The following PACRGL variants were observed in gnomAD, a reference collection of about 807,000 sequenced individuals.
PACRGL encodes PACRG-like protein.
In PACRGL, 38 loss-of-function variants were observed where a neutral mutation model predicts 34.5. The ratio of observed to expected loss-of-function variants is 1.10; its 90% confidence interval spans 0.85 to 1.44. The LOEUF is 1.44. PACRGL is among the 40% of genes most tolerant of loss of function. PACRGL has a pLI of 0.00. For missense variants in PACRGL, 305 were observed against 281.4 expected (o/e 1.08, Z -0.60); for synonymous variants, 128 against 100.1 (o/e 1.28, Z -1.66).
chr4:20,754,065 CT>C (rs1754096878), downstream of PACRGL, among the ~76,000 whole-genome samples: 1 of 152,152 alleles, frequency 6.6e-6, no homozygotes, highest in Admixed American at 6.6e-5. Flanking sequence ...AGCTTACACA[CT>C]AAAGCTTCTG....
chr4:20,758,071 C>T, the PACRGL span, among the ~76,000 whole-genome samples: 2 of 152,248 alleles, frequency 1.3e-5, no homozygotes, highest in African/African-American at 2.4e-5. Context: ...ATTCCCCCTA[C>T]GTGATCAGCA....
chr4:20,738,235 A>G (rs923604528), intron 8 of PACRGL, among the ~76,000 whole-genome samples: 3 of 152,232 alleles, frequency 2.0e-5, no homozygotes, highest in African/African-American at 4.8e-5. Context: ...GAAAGGCTAG[A>G]TGAGATTGAT....
At chr4:20,745,771 G>A (rs1752285387) in intron 8 of PACRGL, among the ~76,000 whole-genome samples, 1 of 152,134 alleles carries the variant, frequency 6.6e-6, no homozygotes, top group Non-Finnish European at 1.5e-5. Flanking sequence ...GTGCCTCAGT[G>A]CTGGCCACTA....
chr4:20,707,860 A>G lies in PACRGL; in HGVS notation c.265A>G (p.Ile89Val). 6.2e-7 allele frequency: 1 copy of G among 1,611,774 alleles called. No individual in the cohort carries two copies. Residue 89 changes from isoleucine (I) to valine (V), a missense_variant, in exon 4 of 9, where the codon ATT (isoleucine) becomes GTT (valine). By Grantham distance (29) the Ile-to-Val change is conservative. Coordinates refer to ENST00000503585, the MANE Select transcript of PACRGL (RefSeq NM_001258345.3). Reference protein sequence around the residue: ...AFAAIYSKGGIPCRLVHGSVK... With the variant: ...AFAAIYSKGGVPCRLVHGSVK... Reference sequence around the variant, plus strand: ...TGCAGCTATTTACTCTAAAGGAGGTATTCCTTGCAGGTAAAATCAATATGA... The same window carrying G: ...TGCAGCTATTTACTCTAAAGGAGGTGTTCCTTGCAGGTAAAATCAATATGA...
At chr4:20,706,942 T>C (rs1364810370) in intron 3 of PACRGL, among the ~76,000 whole-genome samples, 3 of 152,212 alleles carry the variant, frequency 2.0e-5, no homozygotes, top group Admixed American at 6.5e-5. Context: ...TCAAAACTCA[T>C]GCTTTTCCAG....
rs546403605 is a variant in PACRGL at position 20,716,835 on chromosome 4, T to A, written c.609+3296T>A. 4.6e-5 allele frequency among the ~76,000 whole-genome samples: 7 copies of A among 152,346 alleles called. No homozygotes were observed. In the East Asian group the frequency reaches 1.3e-3, roughly 29 times the overall value. On this transcript the variant is annotated intron_variant, in intron 7 of 8. Transcript: ENST00000503585. ...TTATAGCAACATGTTTTATAATCCT[T>A]TGGGTATATACCCAGTAATGGGATG...
At chr4:20,739,499 G>T (rs557776060) in intron 8 of PACRGL, among the ~76,000 whole-genome samples, 1 of 152,208 alleles carries the variant, frequency 6.6e-6, no homozygotes, top group South Asian at 2.1e-4. Context: ...TGCAGCTGAG[G>T]GTCCTGACTG....
chr4:20,761,117 A>G, the PACRGL span, among the ~76,000 whole-genome samples: 2 of 152,148 alleles, frequency 1.3e-5, no homozygotes, highest in African/African-American at 4.8e-5. Context: ...GGACCTTCCC[A>G]GAGAAAGAGT....
chr4:20,746,891 A>G (rs886072226), intron 8 of PACRGL, among the ~76,000 whole-genome samples: 2 of 152,144 alleles, frequency 1.3e-5, no homozygotes, highest in African/African-American at 4.8e-5. Flanking sequence ...ACCTCTCAGT[A>G]TGCTATTGCT....
At chr4:20,702,570 C>G in intron 1 of PACRGL, 1 of 159,600 alleles carries the variant, frequency 6.3e-6, no homozygotes, top group Non-Finnish European at 1.4e-5. Context: ...TCTTACTAGT[C>G]TTCATCAACA....
Position 20,732,044 on chromosome 4 carries a change from C to T in PACRGL, c.*4703C>T. On this transcript the variant is annotated 3_prime_UTR_variant, in exon 9 of 9. Coordinates refer to ENST00000503585, the MANE Select transcript of PACRGL (RefSeq NM_001258345.3). ...TCAATGAACTCATCTATGGTAACAA[C>T]CCCATCTTTATTTTTGTCCATTTTC... The T allele has an allele frequency of 1.9e-6, 3 of 1,612,566 alleles. No individual in the cohort carries two copies. The highest frequency in any genetic ancestry group is 2.5e-6 in the Non-Finnish European group (3 of 1,179,388).
chr4:20,701,750 C>T (rs376457486), intron 1 of PACRGL: 40 of 409,664 alleles, frequency 9.8e-5, no homozygotes, highest in African/African-American at 3.5e-4. Context: ...CTCCCTCCCT[C>T]CCCCCAGTCT....
chr4:20,733,967 C>T (rs1052688066), downstream of PACRGL, among the ~76,000 whole-genome samples: 6 of 152,070 alleles, frequency 3.9e-5, no homozygotes, highest in Non-Finnish European at 8.8e-5. Flanking sequence ...GCCTCTTGCT[C>T]AAAACTCAAT....
At chr4:20,716,103 C>G in intron 7 of PACRGL, 2 of 1,525,280 alleles carry the variant, frequency 1.3e-6, no homozygotes, top group Non-Finnish European at 1.8e-6. Context: ...TAAATATTTA[C>G]TAGGACCCTG....
chr4:20,740,897 CAA>C (rs532853776), intron 8 of PACRGL, among the ~76,000 whole-genome samples: 76 of 149,732 alleles, frequency 5.1e-4, no homozygotes, highest in African/African-American at 1.8e-3. Context: ...AAATGGAAAA[CAA>C]AAAAAAAGCA....
At chr4:20,735,394 A>G (rs7686310), downstream of PACRGL, among the ~76,000 whole-genome samples, 597 of 152,332 alleles carry the variant, frequency 3.9e-3, 5 homozygotes, top group African/African-American at 0.013. Context: ...GAGGCTGCTT[A>G]TAACAGTCCT....
chr4:20,760,992 C>G, the PACRGL span, among the ~76,000 whole-genome samples: 1 of 152,142 alleles, frequency 6.6e-6, no homozygotes, highest in Non-Finnish European at 1.5e-5. Flanking sequence ...AAAATTGCGG[C>G]TTTTGCTATT....
intron 1 of PACRGL, among the ~76,000 whole-genome samples, chr4:20,701,044 C>G (rs1731935309): frequency 6.6e-6 from 1 of 152,116 alleles, no homozygotes; most frequent in African/African-American, 2.4e-5. Flanking sequence ...CTATTGGGCT[C>G]TGGGTCTTTT....
the PACRGL span, among the ~76,000 whole-genome samples, chr4:20,762,905 A>G: frequency 1.3e-5 from 2 of 152,088 alleles, no homozygotes; most frequent in Non-Finnish European, 2.9e-5. Context: ...GAAACTTACA[A>G]TCATGGTGGA....
Sources: gnomAD v4.1 joint callset for allele counts (sites outside exome capture counted in the v4.1 genomes callset) on GRCh38, gnomAD v4.1.1 for gene constraint, MANE v1.5 for transcripts, NCBI Gene and HGNC (gene_info 2026-07-23, HGNC 2026-07-21) for gene names.